EML6: variants seen among roughly 807,000 people sequenced by gnomAD.
EML6 encodes the protein EMAP like 6.
Under a neutral mutation model 240.1 loss-of-function variants are expected in EML6, and 154 were observed. That is an observed-to-expected ratio of 0.64 (90% CI 0.56 to 0.73). EML6 has a LOEUF of 0.73. EML6 is among the 30% of genes least tolerant of loss of function. The pLI is 0.00. For synonymous variants in EML6, 1,148 were observed against 899.0 expected, an observed-to-expected ratio of 1.28 and a Z score of -4.95; for missense variants, 2,964 against 2,474.6, an observed-to-expected ratio of 1.20 and a Z score of -4.20.
chr2:54,845,558 T>C (rs1232305247), intron 8 of EML6, among the ~76,000 whole-genome samples: 3 of 152,364 alleles, frequency 2.0e-5, no homozygotes, highest in Middle Eastern at 3.4e-3. Flanking sequence ...AAAGTCATAA[T>C]TTCTTGAGAA....
chr2:54,741,714 C>G (rs1357155751), intron 2 of EML6, among the ~76,000 whole-genome samples: 1 of 152,112 alleles, frequency 6.6e-6, no homozygotes, highest in African/African-American at 2.4e-5. Flanking sequence ...GACATGAGAG[C>G]CAGCTTGAAG....
At chr2:54,964,876 C>A in intron 38 of EML6, 143 bp downstream of exon 38, 2 of 671,778 alleles carry the variant, frequency 3.0e-6, no homozygotes, top group Admixed American at 3.5e-5. Flanking sequence ...GTTACTTTTT[C>A]CATATTTTAT....
intron 7 of EML6, among the ~76,000 whole-genome samples, chr2:54,832,426 T>C (rs1285388574): frequency 6.6e-6 from 1 of 152,186 alleles, no homozygotes; most frequent in Non-Finnish European, 1.5e-5. Context: ...TCCTGTGGTC[T>C]TGGAGGCTGG....
chr2:54,949,479 TCCCAAG>T (rs1675863576), intron 29 of EML6, among the ~76,000 whole-genome samples: 1 of 151,974 alleles, frequency 6.6e-6, no homozygotes, highest in African/African-American at 2.4e-5. Context: ...AGTTATCAGG[TCCCAAG>T]CCCAAGATCA....
intron 2 of EML6, among the ~76,000 whole-genome samples, chr2:54,779,262 G>A: frequency 6.6e-6 from 1 of 152,092 alleles, no homozygotes; most frequent in East Asian, 1.9e-4. Flanking sequence ...GGAGGGGCTG[G>A]GTGCAGTGGC....
At chr2:54,932,980 G>A (rs1355849813) in intron 28 of EML6, among the ~76,000 whole-genome samples, 1 of 152,194 alleles carries the variant, frequency 6.6e-6, no homozygotes, top group African/African-American at 2.4e-5. Flanking sequence ...AAGTATGCAG[G>A]AGTGGGGCAA....
Position 54,916,914 on chromosome 2 carries a change from G to A in EML6, c.3654G>A (p.Lys1218=). The change falls in exon 26 of 42, where the codon AAG becomes AAA. Residue 1218 remains lysine, a synonymous_variant. Transcript: ENST00000356458. The part of the protein sequence containing the change: ...LATGDDFGFV[K]LFSYPVKGQH... Reference sequence around the variant, plus strand: ...CCGGAGATGATTTTGGTTTCGTTAAGCTTTTTTCATATCCTGTCAAGGTAA... The same window carrying A: ...CCGGAGATGATTTTGGTTTCGTTAAACTTTTTTCATATCCTGTCAAGGTAA... 6.5e-7 allele frequency: 1 copy of A among 1,546,170 alleles called. No individual in the cohort carries two copies. Among genetic ancestry groups the A allele is most frequent in the South Asian group, 1.2e-5 (1 of 83,830 alleles).
chr2:54,874,936 G>C (rs530874076), intron 16 of EML6, among the ~76,000 whole-genome samples: 1 of 152,298 alleles, frequency 6.6e-6, no homozygotes, highest in Non-Finnish European at 1.5e-5. Flanking sequence ...TCCATTGTGA[G>C]AGCCACCAGG....
rs77271973 is a variant in EML6 at position 54,908,869 on chromosome 2, G to A, written c.3410-2085G>A. 2.8e-3 allele frequency among the ~76,000 whole-genome samples: 430 copies of A among 152,192 alleles called. 4 individuals are homozygous for A. The highest frequency in any genetic ancestry group is 9.5e-3 in the African/African-American group (393 of 41,516). On this transcript the variant is annotated intron_variant, in intron 24 of 41. Coordinates refer to ENST00000356458, the MANE Select transcript of EML6 (RefSeq NM_001039753.4). Reference sequence around the variant, plus strand: ...GCCCCTCCAGGATCAACATCTGCCCGCAGAGTATAAACATGACCGCGGGGG... The same window carrying A: ...GCCCCTCCAGGATCAACATCTGCCCACAGAGTATAAACATGACCGCGGGGG...
intron 26 of EML6, among the ~76,000 whole-genome samples, chr2:54,926,072 G>A (rs1416755043): frequency 6.6e-6 from 1 of 152,166 alleles, no homozygotes; most frequent in Non-Finnish European, 1.5e-5. Flanking sequence ...TTCCCTACAA[G>A]GGATTGACAA....
At chr2:54,727,468 A>G (rs1349881258) in intron 2 of EML6, among the ~76,000 whole-genome samples, 3 of 152,220 alleles carry the variant, frequency 2.0e-5, no homozygotes, top group African/African-American at 7.2e-5. Context: ...GCTTTGTCTT[A>G]CATATGTAAA....
intron 36 of EML6, 134 bp downstream of exon 36, chr2:54,962,845 C>A: frequency 1.6e-6 from 1 of 610,920 alleles, no homozygotes; most frequent in Non-Finnish European, 2.6e-6. Flanking sequence ...GTTAGAAAAC[C>A]TAACGATAAA....
At chr2:54,732,915 C>T (rs574383696) in intron 2 of EML6, among the ~76,000 whole-genome samples, 2 of 152,332 alleles carry the variant, frequency 1.3e-5, no homozygotes, top group African/African-American at 4.8e-5. Context: ...AAGCATCAGC[C>T]TTGCTGCTGG....
intron 32 of EML6, among the ~76,000 whole-genome samples, chr2:54,955,323 G>C (rs1001195856): frequency 6.6e-6 from 1 of 152,104 alleles, no homozygotes; most frequent in African/African-American, 2.4e-5. Flanking sequence ...AACTAGAGAA[G>C]ACTTCCTGCA....
chr2:54,775,244 A>C (rs1326694963), intron 2 of EML6, among the ~76,000 whole-genome samples: 1 of 152,200 alleles, frequency 6.6e-6, no homozygotes, highest in Non-Finnish European at 1.5e-5. Flanking sequence ...TGAAATGCGG[A>C]GTCCTTGCCA....
chr2:54,962,995 T>C (rs3796006), intron 36 of EML6, among the ~76,000 whole-genome samples: 84,915 of 152,084 alleles, frequency 0.56, 26,500 homozygotes, highest in Middle Eastern at 0.71. Context: ...TGATTTAAAA[T>C]GTGAAATGTT....
At chr2:54,813,130 G>A in intron 2 of EML6, 102 bp from the exon 3 acceptor site, 1 of 820,660 alleles carries the variant, frequency 1.2e-6, no homozygotes, top group South Asian at 1.9e-5. Flanking sequence ...TTTCTCTTGA[G>A]ATCACCTTGT....
At chr2:54,914,249 G>A (rs1318128411) in intron 25 of EML6, among the ~76,000 whole-genome samples, 2 of 152,182 alleles carry the variant, frequency 1.3e-5, no homozygotes, top group Admixed American at 6.5e-5. Flanking sequence ...CTAAGGCTCT[G>A]TAAGGGCAAA....
chr2:54,784,548 C>T (rs556298751), intron 2 of EML6, among the ~76,000 whole-genome samples: 2 of 152,150 alleles, frequency 1.3e-5, no homozygotes, highest in African/African-American at 4.8e-5. Flanking sequence ...GCTACCCCCA[C>T]CCCCTTGCGG....
Sources: allele counts gnomAD v4.1 joint callset (sites outside exome capture counted in the v4.1 genomes callset), GRCh38; gene constraint gnomAD v4.1.1; transcripts MANE v1.5; gene names NCBI Gene and HGNC (gene_info 2026-07-23, HGNC 2026-07-21).